The following IGF1R variants were observed in gnomAD, a reference collection of about 807,000 sequenced individuals.
IGF1R encodes the protein insulin-like growth factor 1 receptor.
A neutral mutation model predicts 144.6 loss-of-function variants in IGF1R; 44 were observed. The observed-to-expected ratio is 0.30, with a 90% CI of 0.24 to 0.39. The LOEUF (loss-of-function observed/expected upper bound fraction) is 0.39. IGF1R is among the 10% of genes least tolerant of loss of function. The pLI is 1.00. For synonymous variants in IGF1R, 795 were observed against 722.8 expected, an observed-to-expected ratio of 1.10 and a Z score of -1.60; for missense variants, 1,355 against 1,833.7, an observed-to-expected ratio of 0.74 and a Z score of 4.77.
intron 2 of IGF1R, among the ~76,000 whole-genome samples, chr15:98,803,540 C>T (rs142878161): frequency 2.6e-5 from 1 of 39,190 alleles, no homozygotes; most frequent in Non-Finnish European, 7.9e-5. Context: ...GGGTCTTGCT[C>T]TGTCCCCCAG....
At chr15:98,953,181 G>A (rs1213605383) in intron 20 of IGF1R, 1 of 152,200 alleles carries the variant, frequency 6.6e-6, no homozygotes, top group African/African-American at 2.4e-5. Flanking sequence ...AGGGGCTGAA[G>A]GAGCTCGGTG....
chr15:98,910,738 C>T (rs1196803225), intron 6 of IGF1R, among the ~76,000 whole-genome samples: 1 of 152,254 alleles, frequency 6.6e-6, no homozygotes, highest in African/African-American at 2.4e-5. Flanking sequence ...AATCCAGCCT[C>T]CCGTTGTTTG....
chr15:98,806,177 A>G (rs548379593), intron 2 of IGF1R, among the ~76,000 whole-genome samples: 5 of 152,292 alleles, frequency 3.3e-5, no homozygotes, highest in Non-Finnish European at 5.9e-5. Flanking sequence ...TTGACGTCCT[A>G]TTACTGGTTT....
chr15:98,808,623 G>A (rs904691330), intron 2 of IGF1R, among the ~76,000 whole-genome samples: 1 of 152,140 alleles, frequency 6.6e-6, no homozygotes, highest in East Asian at 1.9e-4. Flanking sequence ...GCCTATAGTC[G>A]TGTGGAACCT....
chr15:98,815,898 G>A (rs1046803020), intron 2 of IGF1R, among the ~76,000 whole-genome samples: 2 of 152,058 alleles, frequency 1.3e-5, no homozygotes, highest in African/African-American at 4.8e-5. Flanking sequence ...CCCTGGATGA[G>A]GTCTAGACCT....
At chr15:98,718,811 A>G (rs28401700) in intron 2 of IGF1R, among the ~76,000 whole-genome samples, 11,139 of 152,242 alleles carry the variant, frequency 0.073, 728 homozygotes, top group African/African-American at 0.18. Context: ...ATTATTAGAA[A>G]TACTTCCTGG....
At chr15:98,923,795 G>C (rs45487197) in intron 11 of IGF1R, 81 bp from the exon 12 acceptor site, 38 of 1,104,096 alleles carry the variant, frequency 3.4e-5, no homozygotes, top group East Asian at 4.7e-5. Context: ...TGGATGGGGG[G>C]GTTATTCTCA....
At chr15:98,839,905 G>T (rs550279518) in intron 2 of IGF1R, among the ~76,000 whole-genome samples, 1 of 152,186 alleles carries the variant, frequency 6.6e-6, no homozygotes. Flanking sequence ...ACCTGGGAAA[G>T]AAAATAATTT....
intron 2 of IGF1R, among the ~76,000 whole-genome samples, chr15:98,779,827 G>A (rs1222997602): frequency 9.9e-5 from 15 of 152,194 alleles, no homozygotes; most frequent in Admixed American, 4.6e-4. Flanking sequence ...TAGCCTGTTG[G>A]CACAGGGGTG....
intron 1 of IGF1R, among the ~76,000 whole-genome samples, chr15:98,660,915 C>T (rs28413477): frequency 4.6e-5 from 7 of 152,130 alleles, no homozygotes; most frequent in Admixed American, 1.3e-4. Flanking sequence ...AGGCTGGACT[C>T]GGCTGCCTGG....
At chr15:98,655,680 A>G (rs534664685) in intron 1 of IGF1R, among the ~76,000 whole-genome samples, 233 of 151,628 alleles carry the variant, frequency 1.5e-3, no homozygotes, top group African/African-American at 5.2e-3. Flanking sequence ...CTAGTAAGCA[A>G]GCTTAAAATT....
At chr15:98,740,047 C>G (rs2054703050) in intron 2 of IGF1R, among the ~76,000 whole-genome samples, 1 of 152,234 alleles carries the variant, frequency 6.6e-6, no homozygotes, top group Admixed American at 6.5e-5. Context: ...TTGACGACTG[C>G]TCACGCCTAG....
At chr15:98,702,265 CTCTTGA>C (rs1246273966) in intron 1 of IGF1R, among the ~76,000 whole-genome samples, 2 of 151,968 alleles carry the variant, frequency 1.3e-5, no homozygotes, top group East Asian at 3.8e-4. Flanking sequence ...GACATTCTGC[CTCTTGA>C]TCTTTAGAAA....
intron 2 of IGF1R, among the ~76,000 whole-genome samples, chr15:98,724,851 G>A (rs1041565811): frequency 3.3e-5 from 5 of 152,142 alleles, no homozygotes; most frequent in African/African-American, 4.8e-5. Context: ...TCGATGATGC[G>A]CTGCCATTAA....
chr15:98,719,131 T>C (rs1256759886), intron 2 of IGF1R, among the ~76,000 whole-genome samples: 1 of 152,240 alleles, frequency 6.6e-6, no homozygotes. Flanking sequence ...ACGTCGATAC[T>C]ACTTTTAGAA....
intron 2 of IGF1R, among the ~76,000 whole-genome samples, chr15:98,779,502 A>C (rs987925188): frequency 2.0e-5 from 3 of 152,250 alleles, no homozygotes; most frequent in African/African-American, 7.2e-5. Context: ...CAGATGAGGA[A>C]ACAGCCTCAG....
chr15:98,661,879 C>T (rs988283938), intron 1 of IGF1R, among the ~76,000 whole-genome samples: 7 of 151,634 alleles, frequency 4.6e-5, no homozygotes, highest in Non-Finnish European at 2.9e-5. Context: ...TGGTGGGTGG[C>T]CCTGGTGGGC....
intron 2 of IGF1R, among the ~76,000 whole-genome samples, chr15:98,875,225 A>T (rs2012997065): frequency 1.3e-5 from 2 of 152,192 alleles, no homozygotes; most frequent in Admixed American, 6.5e-5. Flanking sequence ...CCAAAAAAAA[A>T]AATGAAACAT....
At chr15:98,669,962 C>G (rs1267115735) in intron 1 of IGF1R, among the ~76,000 whole-genome samples, 1 of 152,116 alleles carries the variant, frequency 6.6e-6, no homozygotes, top group Non-Finnish European at 1.5e-5. Context: ...TGCTTTTACT[C>G]TAGAGCAGAG....
Sources: gnomAD v4.1 joint callset for allele counts (sites outside exome capture counted in the v4.1 genomes callset) on GRCh38, gnomAD v4.1.1 for gene constraint, MANE v1.5 for transcripts, NCBI Gene and HGNC (gene_info 2026-07-23, HGNC 2026-07-21) for gene names.